CREBRF: variants seen among roughly 807,000 people sequenced by gnomAD.
CREBRF encodes the protein UPF0474 protein C5orf41.
In CREBRF, 5 loss-of-function variants were observed where a neutral mutation model predicts 66.1. The observed-to-expected ratio is 0.08, with a 90% confidence interval of 0.04 to 0.16. CREBRF has a LOEUF of 0.16. Among genes scored for constraint, CREBRF ranks in the 10% least tolerant of loss-of-function variants. CREBRF has a pLI of 1.00. For synonymous variants in CREBRF, 229 were observed against 264.4 expected (o/e 0.87, Z 1.30); for missense variants, 531 against 744.9 (o/e 0.71, Z 3.34).
At chr5:173,064,259 G>A (rs1462538357) in intron 1 of CREBRF, among the ~76,000 whole-genome samples, 2 of 152,196 alleles carry the variant, frequency 1.3e-5, no homozygotes, top group South Asian at 2.1e-4. Flanking sequence ...AAAATAAAAC[G>A]TTGATATGGG....
intron 8 of CREBRF, among the ~76,000 whole-genome samples, chr5:173,131,856 C>T (rs995629349): frequency 6.6e-6 from 1 of 152,124 alleles, no homozygotes; most frequent in African/African-American, 2.4e-5. Context: ...TCTCAGCCTC[C>T]TAAGTAGCTG....
At chr5:173,083,119 T>A (rs1016665060) in intron 2 of CREBRF, among the ~76,000 whole-genome samples, 1 of 151,558 alleles carries the variant, frequency 6.6e-6, no homozygotes, top group Non-Finnish European at 1.5e-5. Flanking sequence ...TCCCAGCTAC[T>A]TGGGAAGCTG....
At chr5:173,057,891 C>T (rs956816012) in intron 1 of CREBRF, among the ~76,000 whole-genome samples, 4 of 151,606 alleles carry the variant, frequency 2.6e-5, no homozygotes, top group Non-Finnish European at 5.9e-5. Context: ...GTAATTTGCC[C>T]CTCTTGCTAA....
At chr5:173,128,659 G>A (rs977997015) in intron 8 of CREBRF, among the ~76,000 whole-genome samples, 9 of 151,874 alleles carry the variant, frequency 5.9e-5, no homozygotes, top group African/African-American at 1.7e-4. Flanking sequence ...GTATTATCAC[G>A]AATGCAGCTT....
rs370085633 is a variant in CREBRF at position 173,100,022 on chromosome 5, T to C, written c.1223-8602T>C. Among the ~76,000 whole-genome samples, 9 of 148,662 alleles carry C rather than the reference T, an allele frequency of 6.1e-5. No homozygotes were observed. The South Asian group carries it at 8.6e-4, about 14-fold the overall frequency. ...CCCAGGTTTGAATGATTCTCCTGCC[T>C]TAGCCTCCCAAGTAGCTGGGATTAC... On this transcript the variant is annotated intron_variant, in intron 4 of 8. Transcript: ENST00000296953.
At chr5:173,085,579 G>A in intron 2 of CREBRF, 1 of 539,580 alleles carries the variant, frequency 1.9e-6, no homozygotes, top group Non-Finnish European at 3.3e-6. Context: ...AGCACGCCCG[G>A]CTAATTTTTG....
intron 4 of CREBRF, among the ~76,000 whole-genome samples, chr5:173,097,939 A>G (rs1040446694): frequency 2.0e-5 from 3 of 147,084 alleles, no homozygotes; most frequent in African/African-American, 7.5e-5. Context: ...TTCTTTTTCT[A>G]CTTCCTTGAG....
At chr5:173,076,901 A>G (rs1757782209) in intron 1 of CREBRF, among the ~76,000 whole-genome samples, 1 of 152,188 alleles carries the variant, frequency 6.6e-6, no homozygotes, top group African/African-American at 2.4e-5. Flanking sequence ...GGAAGGATCA[A>G]AGTAGACCAT....
chr5:173,122,166 A>G (rs1169585288), intron 7 of CREBRF, among the ~76,000 whole-genome samples: 1 of 151,842 alleles, frequency 6.6e-6, no homozygotes, highest in African/African-American at 2.4e-5. Context: ...CAGTGGCAAG[A>G]TCTTGGTTCA....
intron 4 of CREBRF, among the ~76,000 whole-genome samples, chr5:173,102,770 C>T (rs181646775): frequency 7.6e-4 from 116 of 152,148 alleles, no homozygotes; most frequent in Non-Finnish European, 1.5e-3. Flanking sequence ...GTCCAGGACT[C>T]CAGGGATGGG....
At chr5:173,100,118 G>GTGTATA (rs70984939) in intron 4 of CREBRF, among the ~76,000 whole-genome samples, 17 of 88,382 alleles carry the variant, frequency 1.9e-4, no homozygotes, top group East Asian at 6.0e-4. Flanking sequence ...GTGTGTGTGT[G>GTGTATA]TATATATATA....
At chr5:173,108,067 A>G (rs1220179399) in intron 4 of CREBRF, among the ~76,000 whole-genome samples, 4 of 151,134 alleles carry the variant, frequency 2.6e-5, no homozygotes, top group African/African-American at 9.7e-5. Flanking sequence ...CCTGACCTCA[A>G]GTGATCTACC....
chr5:173,061,519 T>G (rs938533243), intron 1 of CREBRF, among the ~76,000 whole-genome samples: 1 of 152,256 alleles, frequency 6.6e-6, no homozygotes, highest in South Asian at 2.1e-4. Context: ...TTGAAAAAAC[T>G]TTGGCCCTAA....
At chr5:173,065,599 C>A (rs1238184110) in intron 1 of CREBRF, among the ~76,000 whole-genome samples, 1 of 146,360 alleles carries the variant, frequency 6.8e-6, no homozygotes, top group Non-Finnish European at 1.5e-5. Flanking sequence ...CTCCCACCCT[C>A]CCTCCCTCTC....
At chr5:173,085,920 G>C in intron 2 of CREBRF, 3 of 1,040,442 alleles carry the variant, frequency 2.9e-6, no homozygotes, top group Non-Finnish European at 4.6e-6. Flanking sequence ...GGGACAGTTA[G>C]GCACCCACTT....
At chr5:173,121,732 C>T (rs2113793231) in intron 7 of CREBRF, among the ~76,000 whole-genome samples, 1 of 152,298 alleles carries the variant, frequency 6.6e-6, no homozygotes, top group Admixed American at 6.5e-5. Flanking sequence ...TAAACATTTA[C>T]TAAGGTCCTG....
chr5:173,082,936 A>C lies in CREBRF; in HGVS notation c.9+2152A>C, dbSNP rs866811794. On this transcript the variant is annotated intron_variant, in intron 2 of 8. Coordinates refer to ENST00000296953, the MANE Select transcript of CREBRF (RefSeq NM_153607.3). ...AAAAAAAAAAAAAAAAAAAAAAAAA[A>C]AAAAAAAAAACCGGGTGCAGTGGCT... 1.4e-3 allele frequency among the ~76,000 whole-genome samples: 194 copies of C among 143,454 alleles called. 3 individuals are homozygous for C. The South Asian group carries it at 0.017, about 13-fold the overall frequency. The allele number at this position is 143,454 out of a possible 152,430, so 94.1% of individuals were successfully genotyped here. A position where few individuals can be genotyped will look rare whatever the true frequency, so the allele number is the denominator to read the frequency against.
chr5:173,131,813 A>C (rs1195237378), intron 8 of CREBRF, among the ~76,000 whole-genome samples: 1 of 151,666 alleles, frequency 6.6e-6, no homozygotes, highest in Non-Finnish European at 1.5e-5. Context: ...GCTCACTGCA[A>C]CCTCTGCCTC....
intron 1 of CREBRF, among the ~76,000 whole-genome samples, chr5:173,061,075 C>G (rs2113652961): frequency 6.6e-6 from 1 of 152,318 alleles, no homozygotes; most frequent in Non-Finnish European, 1.5e-5. Flanking sequence ...TTAAGCGATT[C>G]TCCTGCCTCA....
Sources: allele counts gnomAD v4.1 joint callset (sites outside exome capture counted in the v4.1 genomes callset), GRCh38; gene constraint gnomAD v4.1.1; transcripts MANE v1.5; gene names NCBI Gene and HGNC (gene_info 2026-07-23, HGNC 2026-07-21).